The following CTNND2 variants were observed in gnomAD, a reference collection of about 807,000 sequenced individuals.
CTNND2 encodes the protein catenin delta-2.
CTNND2 carries 22 observed loss-of-function variants against 144.4 expected under a neutral mutation model. The ratio of observed to expected loss-of-function variants is 0.15; its 90% CI spans 0.11 to 0.22. The LOEUF (loss-of-function observed/expected upper bound fraction) is 0.22. CTNND2 is among the 10% of genes least tolerant of loss of function. The pLI is 1.00. For synonymous variants in CTNND2, 751 were observed against 695.6 expected (o/e 1.08, Z -1.25); for missense variants, 1,353 against 1,618.8 (o/e 0.84, Z 2.82).
chr5:11,549,719 G>C (rs1290968154), intron 3 of CTNND2, among the ~76,000 whole-genome samples: 1 of 152,158 alleles, frequency 6.6e-6, no homozygotes, highest in Admixed American at 6.5e-5. Context: ...TAGGGACCTT[G>C]AGCAACTATC....
chr5:11,178,198 A>G (rs1039237879), intron 11 of CTNND2, among the ~76,000 whole-genome samples: 4 of 152,218 alleles, frequency 2.6e-5, no homozygotes, highest in Admixed American at 2.6e-4. Flanking sequence ...TCACACATTA[A>G]GCAAGTCTTA....
intron 1 of CTNND2, among the ~76,000 whole-genome samples, chr5:11,873,884 G>C (rs1260832595): frequency 6.6e-6 from 1 of 152,190 alleles, no homozygotes; most frequent in Non-Finnish European, 1.5e-5. Flanking sequence ...ACCAGCTGGT[G>C]ACACAAGCCC....
chr5:11,103,189 C>T (rs995166762), intron 14 of CTNND2, among the ~76,000 whole-genome samples: 4 of 151,504 alleles, frequency 2.6e-5, no homozygotes, highest in African/African-American at 9.7e-5. Context: ...GCCATGTTGG[C>T]CTGGCTGGTC....
At chr5:11,896,828 T>C (rs982927188) in intron 1 of CTNND2, among the ~76,000 whole-genome samples, 11 of 152,180 alleles carry the variant, frequency 7.2e-5, no homozygotes, top group African/African-American at 1.4e-4. Context: ...ATAGTTCTCA[T>C]ATAATTAGCT....
At chr5:11,153,134 T>C (rs905695216) in intron 12 of CTNND2, among the ~76,000 whole-genome samples, 5 of 151,976 alleles carry the variant, frequency 3.3e-5, no homozygotes, top group Non-Finnish European at 7.4e-5. Flanking sequence ...TGTGGTGGTA[T>C]GTATGTAGTC....
chr5:11,661,122 T>C (rs1783181008), intron 2 of CTNND2, among the ~76,000 whole-genome samples: 1 of 152,182 alleles, frequency 6.6e-6, no homozygotes, highest in Non-Finnish European at 1.5e-5. Context: ...AGATACAACT[T>C]ATCACCCACT....
intron 9 of CTNND2, among the ~76,000 whole-genome samples, chr5:11,344,033 G>C (rs185528192): frequency 6.6e-6 from 1 of 152,134 alleles, no homozygotes; most frequent in African/African-American, 2.4e-5. Flanking sequence ...ATATTTAAGG[G>C]AAAATGCAAA....
intron 1 of CTNND2, among the ~76,000 whole-genome samples, chr5:11,884,725 C>G (rs1276443315): frequency 5.9e-5 from 9 of 152,024 alleles, no homozygotes; most frequent in Admixed American, 5.2e-4. Flanking sequence ...AAGTGGGTAT[C>G]CTTCTCTTAC....
chr5:11,236,542 T>C (rs1357021655), intron 10 of CTNND2, 149 bp downstream of exon 10: 12 of 875,804 alleles, frequency 1.4e-5, no homozygotes, highest in Non-Finnish European at 1.9e-5. Flanking sequence ...ATCAATTAGA[T>C]GAAACATGCT....
intron 3 of CTNND2, among the ~76,000 whole-genome samples, chr5:11,473,755 C>T: frequency 6.6e-6 from 1 of 152,200 alleles, no homozygotes; most frequent in Admixed American, 6.5e-5. Flanking sequence ...AGAAAGTTAG[C>T]AAGGCACCAC....
intron 9 of CTNND2, among the ~76,000 whole-genome samples, chr5:11,297,887 A>T (rs1054756558): frequency 6.6e-6 from 1 of 152,210 alleles, no homozygotes; most frequent in Non-Finnish European, 1.5e-5. Flanking sequence ...ACCTCAAAAA[A>T]GTGACAAGAC....
chr5:11,195,245 T>C (rs1267444890), intron 11 of CTNND2, among the ~76,000 whole-genome samples: 2 of 152,176 alleles, frequency 1.3e-5, no homozygotes, highest in African/African-American at 4.8e-5. Flanking sequence ...ATAGAAAATA[T>C]TCCTGAGAAA....
intron 10 of CTNND2, among the ~76,000 whole-genome samples, chr5:11,224,150 A>T (rs575921814): frequency 1.0e-3 from 159 of 152,178 alleles, no homozygotes; most frequent in Non-Finnish European, 1.9e-3. Context: ...CTTTAGTTGT[A>T]ATTCTGTCCC....
intron 1 of CTNND2, among the ~76,000 whole-genome samples, chr5:11,874,103 A>G (rs1359342787): frequency 6.6e-6 from 1 of 152,226 alleles, no homozygotes; most frequent in Admixed American, 6.5e-5. Flanking sequence ...AAACGCTGGA[A>G]TTGATTAAAC....
chr5:11,327,188 G>A (rs1338812395), intron 9 of CTNND2, among the ~76,000 whole-genome samples: 1 of 152,094 alleles, frequency 6.6e-6, no homozygotes, highest in Non-Finnish European at 1.5e-5. Flanking sequence ...GGAGGTCAAG[G>A]GCCAGTGGGA....
intron 2 of CTNND2, among the ~76,000 whole-genome samples, chr5:11,615,502 GAGAT>G (rs1465393781): frequency 6.6e-6 from 1 of 152,092 alleles, no homozygotes; most frequent in Non-Finnish European, 1.5e-5. Flanking sequence ...AGAAATGATG[GAGAT>G]AGATAATCTT....
chr5:11,467,036 C>T (rs928900788), intron 3 of CTNND2, among the ~76,000 whole-genome samples: 2 of 152,228 alleles, frequency 1.3e-5, no homozygotes, highest in Non-Finnish European at 2.9e-5. Context: ...AATGCCCAGG[C>T]TCAAAGGTGG....
At chr5:11,670,208 A>G (rs1389501088) in intron 2 of CTNND2, among the ~76,000 whole-genome samples, 1 of 152,186 alleles carries the variant, frequency 6.6e-6, no homozygotes. Flanking sequence ...TGTGGTGCTG[A>G]GAACAATGTA....
chr5:11,872,146 T>C (rs951885618), intron 1 of CTNND2, among the ~76,000 whole-genome samples: 1 of 152,026 alleles, frequency 6.6e-6, no homozygotes, highest in African/African-American at 2.4e-5. Flanking sequence ...TGGTTTTCTG[T>C]TCCTGTGTTA....
Sources: gnomAD v4.1 joint callset for allele counts (sites outside exome capture counted in the v4.1 genomes callset) on GRCh38, gnomAD v4.1.1 for gene constraint, MANE v1.5 for transcripts, NCBI Gene and HGNC (gene_info 2026-07-23, HGNC 2026-07-21) for gene names.